Variants in AFAP1 observed in about 807,000 individuals in gnomAD.
The protein encoded by AFAP1 is actin filament-associated protein 1.
A neutral mutation model predicts 93.9 loss-of-function variants in AFAP1; 75 were observed. The observed-to-expected ratio is 0.80, with a 90% CI of 0.66 to 0.97. The LOEUF is 0.97. Among genes scored for constraint, AFAP1 ranks in the 50% least tolerant of loss-of-function variants. The probability of loss-of-function intolerance (pLI) is 0.00; values close to 1 mark genes in which losing one functional copy is unlikely to be tolerated. For missense variants in AFAP1, 1,201 were observed against 1,050.8 expected (o/e 1.14, Z -1.98); for synonymous variants, 517 against 430.7 (o/e 1.20, Z -2.48).
intron 11 of AFAP1, among the ~76,000 whole-genome samples, chr4:7,789,199 T>C (rs1284185097): frequency 1.3e-5 from 2 of 152,150 alleles, no homozygotes; most frequent in Non-Finnish European, 2.9e-5. Context: ...GCCTCGGTCT[T>C]GTGCTTGGTG....
At chr4:7,798,996 T>G in intron 10 of AFAP1, 1 of 979,336 alleles carries the variant, frequency 1.0e-6, no homozygotes, top group Non-Finnish European at 1.2e-6. Context: ...AGAGTACAGT[T>G]TCTTTATTTA....
chr4:7,823,447 G>GT (rs138783303), intron 6 of AFAP1, among the ~76,000 whole-genome samples: 19,851 of 152,038 alleles, frequency 0.13, 1,487 homozygotes, highest in East Asian at 0.26. Flanking sequence ...TGTTTTGTGT[G>GT]TTTTTTAAAG....
chr4:7,808,721 G>A (rs911700574), intron 9 of AFAP1, among the ~76,000 whole-genome samples: 1 of 152,174 alleles, frequency 6.6e-6, no homozygotes, highest in Non-Finnish European at 1.5e-5. Flanking sequence ...GGTCATGGGA[G>A]CAGATCTCTT....
At chr4:7,874,288 C>A (rs1184391196) in intron 1 of AFAP1, among the ~76,000 whole-genome samples, 1 of 149,988 alleles carries the variant, frequency 6.7e-6, no homozygotes, top group Non-Finnish European at 1.5e-5. Context: ...AGAATGTCTA[C>A]AATTTTCTGA....
At chr4:7,863,794 T>C (rs1156305233) in intron 3 of AFAP1, among the ~76,000 whole-genome samples, 2 of 152,138 alleles carry the variant, frequency 1.3e-5, no homozygotes, top group South Asian at 2.1e-4. Flanking sequence ...GAGTTTATAA[T>C]ACAAAACACT....
intron 17 of AFAP1, among the ~76,000 whole-genome samples, chr4:7,766,818 G>T (rs1445345137): frequency 2.6e-5 from 4 of 152,148 alleles, no homozygotes; most frequent in Non-Finnish European, 5.9e-5. Flanking sequence ...GTGCCTGGTG[G>T]GTGGTTATGA....
chr4:7,899,440 A>G (rs1718991903), intron 1 of AFAP1, among the ~76,000 whole-genome samples: 1 of 152,224 alleles, frequency 6.6e-6, no homozygotes, highest in African/African-American at 2.4e-5. Context: ...TGGTATGCAA[A>G]TTATATTTTT....
intron 1 of AFAP1, among the ~76,000 whole-genome samples, chr4:7,892,590 A>G (rs1312074045): frequency 6.6e-6 from 1 of 152,192 alleles, no homozygotes; most frequent in Non-Finnish European, 1.5e-5. Flanking sequence ...CTTGAACTTG[A>G]TTATATGCAT....
intron 1 of AFAP1, among the ~76,000 whole-genome samples, chr4:7,893,467 G>A (rs1231759708): frequency 6.6e-6 from 1 of 151,052 alleles, no homozygotes; most frequent in African/African-American, 2.4e-5. Flanking sequence ...TGTAGTCCCA[G>A]CTACTTGGGA....
chr4:7,897,650 A>G (rs558686809), intron 1 of AFAP1, among the ~76,000 whole-genome samples: 1 of 152,124 alleles, frequency 6.6e-6, no homozygotes, highest in East Asian at 1.9e-4. Context: ...CAGCCTCCAG[A>G]GCAGCTGGGA....
chr4:7,897,058 T>A (rs1718820164), intron 1 of AFAP1, among the ~76,000 whole-genome samples: 1 of 152,034 alleles, frequency 6.6e-6, no homozygotes, highest in Admixed American at 6.5e-5. Flanking sequence ...CCTAATTCTA[T>A]CCACTCCCAA....
At chr4:7,873,772 C>T (rs1176024042) in intron 1 of AFAP1, among the ~76,000 whole-genome samples, 1 of 152,118 alleles carries the variant, frequency 6.6e-6, no homozygotes. Context: ...TCCAAGCCAC[C>T]CGAAGCCACT....
chr4:7,847,152 C>T (rs1279277366), intron 4 of AFAP1, among the ~76,000 whole-genome samples: 2 of 152,182 alleles, frequency 1.3e-5, no homozygotes, highest in Non-Finnish European at 2.9e-5. Context: ...GTATGCTTAG[C>T]AATGACCCAA....
rs4689876 is a variant in AFAP1, at chr4:7,825,078, T to G, written c.727-5907A>C. Among the ~76,000 whole-genome samples the G allele has an allele frequency of 1.4e-3, 218 of 152,356 alleles. No homozygotes were observed. The East Asian group carries it at 0.019, about 14-fold the overall frequency. ...TTAACCCTAAGGGGTAATACAAATA[T>G]TATCATTCATATTTTCACTGTTTAT... On this transcript the variant is annotated intron_variant, in intron 6 of 17. Coordinates refer to ENST00000420658, the MANE Select transcript of AFAP1 (RefSeq NM_001134647.2).
In AFAP1 at chr4:7,936,516, T is replaced by C. The variant is rs749395029; in HGVS notation, c.-3+3140A>G. 2.1e-4 allele frequency among the ~76,000 whole-genome samples: 32 copies of C among 151,632 alleles called. 2 individuals are homozygous for C. The highest frequency in any genetic ancestry group is 6.8e-4 in the African/African-American group (28 of 41,148). ...TACTGTTTGAAAGAATTAATTACCATATTCCTTAGAACTATAGCTCCTCTA... is the reference window on the plus strand; with the variant it reads ...TACTGTTTGAAAGAATTAATTACCACATTCCTTAGAACTATAGCTCCTCTA... On this transcript the variant is annotated intron_variant, in intron 1 of 17. Coordinates refer to ENST00000420658, the MANE Select transcript of AFAP1 (RefSeq NM_001134647.2).
intron 1 of AFAP1, among the ~76,000 whole-genome samples, chr4:7,906,690 C>G (rs1411410322): frequency 2.0e-5 from 3 of 152,212 alleles, no homozygotes; most frequent in Non-Finnish European, 4.4e-5. Flanking sequence ...TTTTCTGCCA[C>G]TAGACTCAAA....
intron 15 of AFAP1, 38 bp downstream of exon 15, chr4:7,774,701 A>T: frequency 1.2e-6 from 2 of 1,600,828 alleles, no homozygotes; most frequent in Non-Finnish European, 1.7e-6. Context: ...TCTCTAATAC[A>T]AACATGCACC....
rs114932851 is a variant in AFAP1, at chr4:7,928,981, T to C, written c.-3+10675A>G. On this transcript the variant is annotated intron_variant, in intron 1 of 17. Transcript: ENST00000420658. ...CCTGGTTGCTGCCCCTAAGGCTCAA[T>C]GGGCAAGTAACAGATCACTCCGATC... 3.9e-3 allele frequency among the ~76,000 whole-genome samples: 599 copies of C among 152,324 alleles called. 5 individuals carry two copies. The highest frequency in any genetic ancestry group is 5.9e-3 in the Non-Finnish European group (403 of 68,022).
chr4:7,880,685 A>C (rs1577330303), intron 1 of AFAP1, among the ~76,000 whole-genome samples: 1 of 152,188 alleles, frequency 6.6e-6, no homozygotes. Flanking sequence ...GGGTGACCAG[A>C]CCGCCAGTCA....
Sources: gnomAD v4.1 joint callset for allele counts (sites outside exome capture counted in the v4.1 genomes callset) on GRCh38, gnomAD v4.1.1 for gene constraint, MANE v1.5 for transcripts, NCBI Gene and HGNC (gene_info 2026-07-23, HGNC 2026-07-21) for gene names.